Variants in AHDC1 observed in about 807,000 individuals in gnomAD.
AHDC1 encodes the protein AT-hook DNA binding motif containing 1, also known as transcription factor Gibbin.
Under a neutral mutation model 87.9 loss-of-function variants are expected in AHDC1, and 7 were observed. The observed-to-expected ratio is 0.08, with a 90% confidence interval of 0.05 to 0.15. AHDC1 has a LOEUF of 0.15. AHDC1 is among the 10% of genes least tolerant of loss of function. The pLI, the probability that AHDC1 is intolerant of heterozygous loss-of-function variation, is 1.00. For synonymous variants in AHDC1, 1,051 were observed against 1,006.8 expected (o/e 1.04, Z -0.83); for missense variants, 1,841 against 2,253.2 (o/e 0.82, Z 3.70).
chr1:27,581,924 A>G (rs1487414124), intron 3 of AHDC1, among the ~76,000 whole-genome samples: 1 of 151,848 alleles, frequency 6.6e-6, no homozygotes, highest in East Asian at 1.9e-4. Context: ...CACCACCCAC[A>G]CACTCACTCC....
chr1:27,590,009 T>A lies in AHDC1; in HGVS notation c.-629+13388A>T, dbSNP rs2089179364. 6.6e-6 allele frequency among the ~76,000 whole-genome samples: 1 copy of A among 152,100 alleles called. No individual in the cohort carries two copies. The highest frequency in any genetic ancestry group is 1.5e-5 in the Non-Finnish European group (1 of 67,976). ...TGGGCAGGGCTCCAGGACATGTGACTGGGCCTTAGAGGCCTGTCCTGGGCC... is the reference window on the plus strand; with the variant it reads ...TGGGCAGGGCTCCAGGACATGTGACAGGGCCTTAGAGGCCTGTCCTGGGCC... On this transcript the variant is annotated intron_variant, in intron 3 of 8. Transcript: ENST00000673934. The surrounding 1 kb of genome is among the most constrained non-coding windows in gnomAD (Gnocchi z 5.4).
At chr1:27,576,270 T>G (rs967795721) in intron 3 of AHDC1, among the ~76,000 whole-genome samples, 2 of 152,190 alleles carry the variant, frequency 1.3e-5, no homozygotes, top group African/African-American at 4.8e-5. Context: ...TTGTTTGCTG[T>G]GTGCCTCTCC....
chr1:27,557,818 A>G (rs556869778), intron 5 of AHDC1, among the ~76,000 whole-genome samples: 1 of 152,148 alleles, frequency 6.6e-6, no homozygotes, highest in Non-Finnish European at 1.5e-5. Flanking sequence ...CGGGTACCAC[A>G]TACACAGCCC....
intron 8 of AHDC1, among the ~76,000 whole-genome samples, chr1:27,544,946 T>C (rs532755305): frequency 6.6e-6 from 1 of 152,308 alleles, no homozygotes; most frequent in East Asian, 1.9e-4. Context: ...TGGCCTCGCT[T>C]GCCTCATCCC....
At chr1:27,567,196 C>T (rs1489023038) in intron 3 of AHDC1, among the ~76,000 whole-genome samples, 1 of 152,116 alleles carries the variant, frequency 6.6e-6, no homozygotes, top group Non-Finnish European at 1.5e-5. Context: ...CTGCTTGCTG[C>T]CACTGCTGCT....
rs1409032080 is a variant in AHDC1 at position 27,549,832 on chromosome 1, C to T, written c.2284G>A (p.Gly762Arg). 6.2e-7 allele frequency: 1 copy of T among 1,613,452 alleles called. No individual in the cohort carries two copies. Among genetic ancestry groups the T allele is most frequent in the African/African-American group, 1.3e-5 (1 of 74,914 alleles). Residue 762 changes from glycine to arginine, a missense_variant, in exon 8 of 9, where the codon GGG (glycine) becomes AGG (arginine). Physicochemically the swap from Gly to Arg is moderately radical, Grantham distance 125 (BLOSUM62 -2). Transcript: ENST00000673934. ...CCGGCCCACTCAGCACCTGCCTCCC[C>T]AAAGCCTGGGCCACTGGGCACCTGC... ...PEQVPSGPGF[G>R]EAGAEWAGDK...
chr1:27,552,546 C>T (rs1441810821), intron 7 of AHDC1: 10 of 163,650 alleles, frequency 6.1e-5, no homozygotes, highest in Middle Eastern at 5.8e-3. Flanking sequence ...TACAGGCATG[C>T]GCCACCACAC....
chr1:27,577,958 G>T (rs970048021), intron 3 of AHDC1, among the ~76,000 whole-genome samples: 5 of 152,212 alleles, frequency 3.3e-5, no homozygotes, highest in Non-Finnish European at 7.3e-5. Flanking sequence ...CCACAGCCCA[G>T]ATGTTCTCCC....
At chr1:27,540,222 C>T (rs924218163) in intron 8 of AHDC1, among the ~76,000 whole-genome samples, 3 of 152,032 alleles carry the variant, frequency 2.0e-5, no homozygotes, top group African/African-American at 7.2e-5. Flanking sequence ...TTGGAGAGGT[C>T]CACAGGCCCA....
At chr1:27,574,363 C>T (rs946707108) in intron 3 of AHDC1, among the ~76,000 whole-genome samples, 1 of 151,162 alleles carries the variant, frequency 6.6e-6, no homozygotes, top group Non-Finnish European at 1.5e-5. Context: ...GGATGTCACA[C>T]GGGTGCCCTT....
In AHDC1 at chr1:27,550,210, G is replaced by A. The variant is rs750953077; in HGVS notation, c.1906C>T (p.Arg636Cys). The change falls in exon 8 of 9, where the codon CGC becomes TGC. Residue 636 changes from arginine to cysteine, a missense_variant. Arg to Cys is a radical substitution (Grantham distance 180). Around this residue, in one of 13 missense-constraint regions of AHDC1, gnomAD observed 7 missense variants for 24.0 expected, o/e 0.29. Coordinates refer to ENST00000673934, the MANE Select transcript of AHDC1 (RefSeq NM_001371928.1). ...TCCGGCTCACTGGGTGTCCAGCAGC[G>A]GGGCGGTGAGCACCGTCCAGCGCAC... ...SQCAGRCSPP[R>C]CWTPSEPESV... 6.2e-7 allele frequency: 1 copy of A among 1,612,968 alleles called. No individual in the cohort carries two copies.
chr1:27,537,459 C>T (rs2018695171), intron 8 of AHDC1, among the ~76,000 whole-genome samples: 1 of 152,216 alleles, frequency 6.6e-6, no homozygotes, highest in African/African-American at 2.4e-5. Context: ...CTGCTGAACA[C>T]TACCCAGCAC....
chr1:27,584,666 T>C (rs916392090), intron 3 of AHDC1, among the ~76,000 whole-genome samples: 3 of 152,136 alleles, frequency 2.0e-5, no homozygotes, highest in East Asian at 1.9e-4. Context: ...CTGTGCTCTA[T>C]AGAGGCTTCT....
chr1:27,591,795 G>A (rs1053635665), intron 3 of AHDC1, among the ~76,000 whole-genome samples: 1 of 152,228 alleles, frequency 6.6e-6, no homozygotes, highest in Admixed American at 6.5e-5. Context: ...TTCCCCATCT[G>A]TAAAATGGGG....
In AHDC1 at chr1:27,551,989, G is replaced by T; in HGVS notation, c.127C>A (p.Pro43Thr). ...PTPRPLLPTR[P>T]PASPPDKAFS... ...GCCTTGTCAGGTGGGCTGGCAGGGG[G>T]CCGGGTGGGAAGCAGGGGCCGGGGG... The change falls in exon 8 of 9, where the codon CCC (proline) becomes ACC (threonine). Residue 43 changes from proline (P) to threonine (T), a missense_variant. By Grantham distance (38) the Pro-to-Thr change is conservative. This residue lies in a region of AHDC1 where 142 missense variants were observed against 165.6 expected (regional missense o/e 0.86). Transcript: ENST00000673934. 3 of 1,465,452 alleles carry T rather than the reference G, an allele frequency of 2.0e-6. No individual in the cohort carries two copies. The highest frequency in any genetic ancestry group is 2.7e-6 in the Non-Finnish European group (3 of 1,107,870). The allele number at this position is 1,465,452 out of a possible 1,614,324, so 90.8% of individuals were successfully genotyped here.
At chr1:27,580,791 G>A (rs2088883895) in intron 3 of AHDC1, among the ~76,000 whole-genome samples, 1 of 152,082 alleles carries the variant, frequency 6.6e-6, no homozygotes, top group Non-Finnish European at 1.5e-5. Flanking sequence ...TTCCATAGAT[G>A]GACTTCACAG....
In AHDC1 at chr1:27,550,854, C is replaced by T. The variant is rs1178928609; in HGVS notation, c.1262G>A (p.Gly421Glu). The change falls in exon 8 of 9, where the codon GGG becomes GAG. Residue 421 changes from glycine to glutamate, a missense_variant. By Grantham distance (98) the Gly-to-Glu change is moderately conservative (BLOSUM62 -2). Transcript: ENST00000673934. ...GGGTTCGGCCAGGGCAGCCACCAGC[C>T]CCGTGGGCATAGGCAGGGGCAGTAG... ...GRLLPLPMPT[G>E]LVAALAEPPP... is the part of the protein sequence containing the mutation. The T allele has an allele frequency of 7.0e-6, 11 of 1,575,956 alleles. No homozygotes were observed. Among genetic ancestry groups the T allele is most frequent in the Non-Finnish European group, 6.9e-6 (8 of 1,164,650 alleles).
intron 5 of AHDC1, among the ~76,000 whole-genome samples, chr1:27,557,413 C>T (rs1470077634): frequency 1.3e-5 from 2 of 150,120 alleles, no homozygotes; most frequent in Non-Finnish European, 3.0e-5. Flanking sequence ...GCTCCTTGTT[C>T]CACGCCCCCC....
rs1026351873 is a variant in AHDC1 at position 27,562,305 on chromosome 1, A to G, written c.-628-3422T>C. 6.6e-6 allele frequency among the ~76,000 whole-genome samples: 1 copy of G among 152,106 alleles called. No individual in the cohort carries two copies. Among genetic ancestry groups the G allele is most frequent in the Admixed American group, 6.5e-5 (1 of 15,290 alleles). Reference sequence around the variant, plus strand: ...CCCGAATAGTGCTGACTTGCGGTTCAGAAATCCAATATCCTCCCCGGTGCA... The same window carrying G: ...CCCGAATAGTGCTGACTTGCGGTTCGGAAATCCAATATCCTCCCCGGTGCA... On this transcript the variant is annotated intron_variant, in intron 3 of 8. Coordinates refer to ENST00000673934, the MANE Select transcript of AHDC1 (RefSeq NM_001371928.1). The surrounding 1 kb of genome is among the most constrained non-coding windows in gnomAD (Gnocchi z 4.4).
Sources: allele counts gnomAD v4.1 joint callset (sites outside exome capture counted in the v4.1 genomes callset), GRCh38; gene constraint gnomAD v4.1.1; regional missense constraint gnomAD v4.1.1; non-coding constraint Gnocchi (gnomAD v3.1); transcripts MANE v1.5; gene names NCBI Gene and HGNC (gene_info 2026-07-23, HGNC 2026-07-21).